Variants in USP42 observed in about 807,000 individuals in gnomAD.
USP42 encodes ubiquitin carboxyl-terminal hydrolase 42.
A neutral mutation model predicts 113.0 loss-of-function variants in USP42; 23 were observed. That is an observed-to-expected ratio of 0.20 (90% confidence interval 0.15 to 0.29). USP42 has a LOEUF of 0.29. Among genes scored for constraint, USP42 ranks in the 10% least tolerant of loss-of-function variants. USP42 has a pLI of 1.00. For synonymous variants in USP42, 933 were observed against 699.0 expected, an observed-to-expected ratio of 1.33 and a Z score of -5.28; for missense variants, 2,174 against 1,779.8, an observed-to-expected ratio of 1.22 and a Z score of -3.99.
chr7:6,095,238 A>G, the USP42 span, among the ~76,000 whole-genome samples: 3 of 151,310 alleles, frequency 2.0e-5, no homozygotes, highest in African/African-American at 4.9e-5. Flanking sequence ...TCAGGACCAA[A>G]GGTATTAACT....
chr7:6,154,459 A>G lies in USP42; in HGVS notation c.2905A>G (p.Ser969Gly), dbSNP rs763197616. The G allele has an allele frequency of 3.8e-6, 6 of 1,562,688 alleles. No homozygotes were observed. The South Asian group carries it at 7.1e-5, about 18-fold the overall frequency. ...RSSSGEPARESRSKTEGHRHR... is the reference protein window; with the variant it reads ...RSSSGEPAREGRSKTEGHRHR... ...GTCCAGCGGGGAGCCCGCCAGAGAG[A>G]GCAGGAGCAAGACTGAGGGCCACCG... The change falls in exon 15 of 18, where the codon AGC becomes GGC. Residue 969 changes from serine to glycine, a missense_variant. Coordinates refer to ENST00000306177, the MANE Select transcript of USP42 (RefSeq NM_032172.3).
intron 1 of USP42, among the ~76,000 whole-genome samples, chr7:6,108,028 A>G (rs1485053632): frequency 6.6e-6 from 1 of 152,112 alleles, no homozygotes; most frequent in Non-Finnish European, 1.5e-5. Flanking sequence ...CACTAAAAAT[A>G]CAAAAATTAG....
At chr7:6,119,360 A>G (rs1780088519) in intron 3 of USP42, among the ~76,000 whole-genome samples, 1 of 152,150 alleles carries the variant, frequency 6.6e-6, no homozygotes, top group Non-Finnish European at 1.5e-5. Context: ...AGTCCTGGCT[A>G]CTTGGGAGAC....
At chr7:6,124,330 C>T (rs968899519) in intron 3 of USP42, among the ~76,000 whole-genome samples, 11 of 152,014 alleles carry the variant, frequency 7.2e-5, no homozygotes, top group Non-Finnish European at 1.2e-4. Flanking sequence ...TGCAGTGGCG[C>T]GATCTCGGCT....
At chr7:6,081,268 G>C in the USP42 span, 1 of 152,160 alleles carries the variant, frequency 6.6e-6, no homozygotes, top group African/African-American at 2.4e-5. Context: ...GCGGCTAACG[G>C]AGGTGAGCTG....
At chr7:6,131,771 T>A (rs1249635083) in intron 3 of USP42, among the ~76,000 whole-genome samples, 3 of 152,170 alleles carry the variant, frequency 2.0e-5, no homozygotes, top group Non-Finnish European at 4.4e-5. Flanking sequence ...TCTCTTTCTC[T>A]TTCTACCTTT....
At position 6,111,385 on chromosome 7, in the gene USP42, T is replaced by C. The variant is rs1316489405; in HGVS notation, c.241+11T>C. ...CACAAAAGGATCAAGGTACTGTTTT[T>C]CAAAAGAGAGAATTACCGCCAGAAA... On this transcript the variant is annotated intron_variant, in intron 2 of 17. Transcript: ENST00000306177. The C allele has an allele frequency of 8.7e-6, 14 of 1,605,770 alleles. No homozygotes were observed. The highest frequency in any genetic ancestry group is 1.2e-5 in the Non-Finnish European group (14 of 1,173,974).
At chr7:6,134,921 A>C (rs1781047472) in intron 3 of USP42, among the ~76,000 whole-genome samples, 2 of 151,928 alleles carry the variant, frequency 1.3e-5, no homozygotes, top group South Asian at 4.1e-4. Context: ...TGGGTAGCTG[A>C]GATTACAGGC....
At chr7:6,097,958 G>C in the USP42 span, among the ~76,000 whole-genome samples, 2 of 130,774 alleles carry the variant, frequency 1.5e-5, 1 homozygote, top group Non-Finnish European at 3.1e-5. Flanking sequence ...AGGCTGGAGT[G>C]CTGTGACACA....
Position 6,146,329 on chromosome 7 carries a change from C to G in USP42, c.1232+81C>G, listed in dbSNP as rs1781713243. 15 of 784,126 alleles carry G rather than the reference C, an allele frequency of 1.9e-5. No homozygotes were observed. In the South Asian group the frequency reaches 2.6e-4, roughly 14 times the overall value. 48.6% of individuals were successfully genotyped at this position (784,126 alleles called of 1,614,324 possible). ...TATCAACATGTTTGAATTCAATATT[C>G]AGTGTTTTAAAAAAAAAAAAAAACC... On this transcript the variant is annotated intron_variant, in intron 11 of 17. Coordinates refer to ENST00000306177, the MANE Select transcript of USP42 (RefSeq NM_032172.3).
Position 6,154,408 on chromosome 7 carries a change from C to A in USP42, c.2854C>A (p.His952Asn), listed in dbSNP as rs529520174. The A allele has an allele frequency of 2.9e-5, 46 of 1,577,112 alleles. No individual in the cohort carries two copies. Among genetic ancestry groups the A allele is most frequent in the Non-Finnish European group, 3.9e-5 (45 of 1,163,194 alleles). ...CAGCCTCAGAAAGGTGGACCGAGGCCACTACCGCAGCCGGAGAGAGCGCTC... is the reference window on the plus strand; with the variant it reads ...CAGCCTCAGAAAGGTGGACCGAGGCAACTACCGCAGCCGGAGAGAGCGCTC... ...IGSLRKVDRG[H>N]YRSRRERSSS... Residue 952 changes from histidine to asparagine, a missense_variant, in exon 15 of 18, where the codon CAC becomes AAC. By Grantham distance (68) the His-to-Asn change is moderately conservative. Transcript: ENST00000306177.
At chr7:6,081,695 G>A in the USP42 span, 1 of 152,276 alleles carries the variant, frequency 6.6e-6, no homozygotes, top group Non-Finnish European at 1.5e-5. Context: ...GGCCTGCGGA[G>A]GTCGGGTGAG....
chr7:6,114,638 A>G (rs1460123639), intron 2 of USP42, among the ~76,000 whole-genome samples: 4 of 114,068 alleles, frequency 3.5e-5, no homozygotes, highest in East Asian at 3.1e-4. Flanking sequence ...GTGTGTGTGT[A>G]TATATGTATG....
Position 6,158,591 on chromosome 7 carries a change from C to A in USP42, c.3944-859C>A, listed in dbSNP as rs1255366974. Among the ~76,000 whole-genome samples, 2 of 152,192 alleles carry A rather than the reference C, an allele frequency of 1.3e-5. No individual in the cohort carries two copies. Among genetic ancestry groups the A allele is most frequent in the Non-Finnish European group, 2.9e-5 (2 of 68,034 alleles). ...GTTGCGGGGTGAGCCCCATGGGGGA[C>A]ATTTGCCCATGGAGTGCTGGGGAAA... On this transcript the variant is annotated intron_variant, in intron 16 of 17. Coordinates refer to ENST00000306177, the MANE Select transcript of USP42 (RefSeq NM_032172.3). The surrounding 1 kb of genome is among the most constrained non-coding windows in gnomAD (Gnocchi z 4.2).
At chr7:6,111,479 C>CTCAGGTGGCCT in intron 2 of USP42, 105 bp downstream of exon 2, 2 of 1,371,370 alleles carry the variant, frequency 1.5e-6, no homozygotes, top group Non-Finnish European at 2.0e-6. Flanking sequence ...CGTGAGGCCA[C>CTCAGGTGGCCT]CTGAGTGGCC....
At chr7:6,145,728 AGG>A in intron 10 of USP42, 72 bp downstream of exon 10, 2 of 1,508,640 alleles carry the variant, frequency 1.3e-6, no homozygotes, top group South Asian at 2.4e-5. Flanking sequence ...TTCTTGGGGT[AGG>A]GAGAGGTGGA....
chr7:6,097,549 A>C, the USP42 span, among the ~76,000 whole-genome samples: 1 of 150,424 alleles, frequency 6.6e-6, no homozygotes, highest in South Asian at 2.1e-4. Flanking sequence ...TGTGATTACA[A>C]GCATAAGCCA....
the USP42 span, chr7:6,093,175 C>T: frequency 1.4e-5 from 2 of 142,388 alleles, no homozygotes; most frequent in East Asian, 4.1e-4. Flanking sequence ...CCTTCCTTCC[C>T]TCCCTCTCTC....
chr7:6,099,180 A>C, the USP42 span, among the ~76,000 whole-genome samples: 1 of 138,650 alleles, frequency 7.2e-6, no homozygotes, highest in African/African-American at 2.7e-5. Context: ...TATATTACTG[A>C]CTAATTGCCT....
Sources: gnomAD v4.1 joint callset for allele counts (sites outside exome capture counted in the v4.1 genomes callset) on GRCh38, gnomAD v4.1.1 for gene constraint, Gnocchi (gnomAD v3.1) non-coding constraint, MANE v1.5 for transcripts, NCBI Gene and HGNC (gene_info 2026-07-23, HGNC 2026-07-21) for gene names.